CALN1: variants seen among roughly 807,000 people sequenced by gnomAD.
CALN1 encodes calneuron 1.
CALN1 carries 17 observed loss-of-function variants against 30.6 expected under a neutral mutation model. That is an observed-to-expected ratio of 0.56 (90% confidence interval 0.38 to 0.83). The LOEUF (loss-of-function observed/expected upper bound fraction) is 0.83, where lower values mean the gene tolerates loss of function less well. Among genes scored for constraint, CALN1 ranks in the 40% least tolerant of loss-of-function variants. CALN1 has a pLI of 0.00. For synonymous variants in CALN1, 156 were observed against 131.4 expected, an observed-to-expected ratio of 1.19 and a Z score of -1.28; for missense variants, 291 against 354.9, an observed-to-expected ratio of 0.82 and a Z score of 1.45.
Position 71,786,752 on chromosome 7 carries a change from T to A in CALN1, c.*1023A>T, listed in dbSNP as rs1226429912. 2 of 152,026 alleles carry A rather than the reference T, an allele frequency of 1.3e-5. No individual in the cohort carries two copies. Among genetic ancestry groups the A allele is most frequent in the Non-Finnish European group, 2.9e-5 (2 of 68,002 alleles). 9.4% of individuals were successfully genotyped at this position (152,026 alleles called of 1,614,324 possible). A position where few individuals can be genotyped will look rare whatever the true frequency, so the allele number is the denominator to read the frequency against. ...GCACAAGGACCTTAACTTACAAAGG[T>A]CATCCGGCATAGAGACGTGGTGGGT... On this transcript the variant is annotated 3_prime_UTR_variant, in exon 7 of 7. Coordinates refer to ENST00000395275, the MANE Select transcript of CALN1 (RefSeq NM_031468.4).
At chr7:71,971,020 G>A (rs1205056467) in intron 5 of CALN1, among the ~76,000 whole-genome samples, 2 of 152,154 alleles carry the variant, frequency 1.3e-5, no homozygotes, top group Non-Finnish European at 2.9e-5. Context: ...ATGACACTAG[G>A]AACCAGTAAA....
intron 1 of CALN1, among the ~76,000 whole-genome samples, chr7:72,423,973 G>A (rs370454500): frequency 7.1e-6 from 1 of 140,798 alleles, no homozygotes; most frequent in Non-Finnish European, 1.6e-5. Flanking sequence ...GAGGGAGGGA[G>A]GGAGGGAGGA....
chr7:72,170,678 G>T (rs1311084064), intron 3 of CALN1, among the ~76,000 whole-genome samples: 1 of 152,178 alleles, frequency 6.6e-6, no homozygotes, highest in Non-Finnish European at 1.5e-5. Context: ...TAGGTCATCT[G>T]TCATTGTCAT....
At chr7:72,149,962 GA>G (rs530466921) in intron 3 of CALN1, among the ~76,000 whole-genome samples, 32 of 144,828 alleles carry the variant, frequency 2.2e-4, no homozygotes, top group South Asian at 4.4e-4. Context: ...TAAAAATACA[GA>G]AAAAAAAAAA....
At chr7:72,001,138 G>A (rs143089593) in intron 5 of CALN1, among the ~76,000 whole-genome samples, 31 of 152,214 alleles carry the variant, frequency 2.0e-4, no homozygotes, top group Admixed American at 3.9e-4. Context: ...TCTCTAAACA[G>A]GTAGAAAAAC....
intron 5 of CALN1, among the ~76,000 whole-genome samples, chr7:72,007,553 CA>C (rs1270681531): frequency 1.3e-5 from 2 of 152,024 alleles, no homozygotes; most frequent in Non-Finnish European, 2.9e-5. Flanking sequence ...TCTCAAAACA[CA>C]AAACAAAACG....
intron 5 of CALN1, among the ~76,000 whole-genome samples, chr7:71,887,006 G>A (rs1353776863): frequency 1.3e-5 from 2 of 152,082 alleles, no homozygotes; most frequent in East Asian, 1.9e-4. Flanking sequence ...ACCATGAGCT[G>A]CATCGTAGAG....
At chr7:72,014,815 C>T (rs558407102) in intron 5 of CALN1, among the ~76,000 whole-genome samples, 102 of 152,228 alleles carry the variant, frequency 6.7e-4, no homozygotes, top group African/African-American at 2.4e-3. Flanking sequence ...GCATGTCCCA[C>T]CATGTCTGGC....
intron 3 of CALN1, among the ~76,000 whole-genome samples, chr7:72,193,064 T>C (rs1441876804): frequency 6.6e-6 from 1 of 151,932 alleles, no homozygotes. Context: ...ACCACATGCC[T>C]CTAGTCCCAG....
At chr7:72,149,161 GAGCCAAATAAACCTCT>G (rs1466194081) in intron 3 of CALN1, among the ~76,000 whole-genome samples, 1 of 151,916 alleles carries the variant, frequency 6.6e-6, no homozygotes, top group Non-Finnish European at 1.5e-5. Context: ...GCAGAACCAT[GAGCCAAATAAACCTCT>G]ATTCTTGGCC....
In CALN1 at chr7:71,785,278, G is replaced by A. The variant is rs1032832004; in HGVS notation, c.*2497C>T. On this transcript the variant is annotated 3_prime_UTR_variant, in exon 7 of 7. Transcript: ENST00000395275. ...CACTGGGAGCAAGAAGAAGGTCACC[G>A]TTAGGAAAGGAATCCTGCAGCCTTT... is the stretch of plus-strand genomic sequence containing the variant. The A allele has an allele frequency of 2.5e-5, 4 of 161,548 alleles. No individual in the cohort carries two copies. The highest frequency in any genetic ancestry group is 5.4e-5 in the Non-Finnish European group (4 of 74,428). The allele number at this position is 161,548 out of a possible 1,614,324, so 10.0% of individuals were successfully genotyped here.
In CALN1 at chr7:72,431,699, G is replaced by A. The variant is rs1028203152; in HGVS notation, c.-226+15343C>T. On this transcript the variant is annotated intron_variant, in intron 1 of 6. Coordinates refer to the CALN1 transcript ENST00000395276. ...CTCTACAGAATATTTAAAAATTACCGAGTGTGGTCATGCGTGCCTGTAGTC... is the reference window on the plus strand; with the variant it reads ...CTCTACAGAATATTTAAAAATTACCAAGTGTGGTCATGCGTGCCTGTAGTC... 8.5e-5 allele frequency among the ~76,000 whole-genome samples: 13 copies of A among 152,068 alleles called. No homozygotes were observed. In the East Asian group the frequency reaches 1.2e-3, roughly 14 times the overall value.
At chr7:71,996,157 GTGACTAAACCTAAACA>G (rs1316721896) in intron 5 of CALN1, among the ~76,000 whole-genome samples, 4 of 152,192 alleles carry the variant, frequency 2.6e-5, no homozygotes, top group South Asian at 2.1e-4. Flanking sequence ...CCTAAACGAG[GTGACTAAACCTAAACA>G]TGACTAAACC....
At chr7:72,452,273 C>T in the CALN1 span, among the ~76,000 whole-genome samples, 4 of 152,206 alleles carry the variant, frequency 2.6e-5, no homozygotes, top group South Asian at 6.2e-4. Context: ...CCATCTGCAG[C>T]AGTGGTACAG....
chr7:72,004,528 A>G (rs1336008775), intron 5 of CALN1, among the ~76,000 whole-genome samples: 1 of 152,218 alleles, frequency 6.6e-6, no homozygotes, highest in Non-Finnish European at 1.5e-5. Context: ...GGAAAAATCG[A>G]AAAGCTAGAC....
chr7:72,260,971 A>C (rs1463170947), intron 3 of CALN1, among the ~76,000 whole-genome samples: 1 of 152,186 alleles, frequency 6.6e-6, no homozygotes, highest in Non-Finnish European at 1.5e-5. Context: ...GGATACGAGC[A>C]GAGTAACAGC....
At chr7:72,244,234 T>C (rs1795020529) in intron 3 of CALN1, among the ~76,000 whole-genome samples, 1 of 152,212 alleles carries the variant, frequency 6.6e-6, no homozygotes, top group Non-Finnish European at 1.5e-5. Flanking sequence ...GTGCCTGGCA[T>C]ATAGCAGATG....
intron 4 of CALN1, among the ~76,000 whole-genome samples, chr7:72,038,756 C>T (rs1801953101): frequency 6.6e-6 from 1 of 152,194 alleles, no homozygotes. Context: ...CTCACTGCTA[C>T]ACTCCCACCA....
intron 5 of CALN1, among the ~76,000 whole-genome samples, chr7:71,952,635 A>G (rs534287384): frequency 6.6e-6 from 1 of 152,244 alleles, no homozygotes; most frequent in East Asian, 1.9e-4. Context: ...TGACCCAAGA[A>G]AGCTAGTGTA....
Sources: allele counts gnomAD v4.1 joint callset (sites outside exome capture counted in the v4.1 genomes callset), GRCh38; gene constraint gnomAD v4.1.1; transcripts MANE v1.5; gene names NCBI Gene and HGNC (gene_info 2026-07-23, HGNC 2026-07-21).